Variants in HOXC4 observed in about 807,000 individuals in gnomAD.
HOXC4 encodes homeobox protein Hox-C4.
Under a neutral mutation model 25.5 loss-of-function variants are expected in HOXC4, and 15 were observed. The ratio of observed to expected loss-of-function variants is 0.59; its 90% confidence interval spans 0.39 to 0.91. HOXC4 has a LOEUF of 0.91. Among genes scored for constraint, HOXC4 ranks in the 40% least tolerant of loss-of-function variants. HOXC4 has a pLI of 0.00. For synonymous variants in HOXC4, 165 were observed against 148.0 expected, an observed-to-expected ratio of 1.11 and a Z score of -0.83; for missense variants, 342 against 352.4, an observed-to-expected ratio of 0.97 and a Z score of 0.24.
At chr12:54,039,376 A>C (rs1368481737) in intron 1 of HOXC4, among the ~76,000 whole-genome samples, 1 of 152,082 alleles carries the variant, frequency 6.6e-6, no homozygotes, top group African/African-American at 2.4e-5. Context: ...CAGAGGCCCA[A>C]ATAAATGGGG....
chr12:54,019,330 C>T (rs1479641263), intron 1 of HOXC4, among the ~76,000 whole-genome samples: 2 of 152,210 alleles, frequency 1.3e-5, no homozygotes, highest in South Asian at 2.1e-4. Flanking sequence ...TCTCCCGCCG[C>T]TCAGGCACGG....
At chr12:54,035,428 TAGA>T (rs1941164065) in intron 1 of HOXC4, 2 of 152,586 alleles carry the variant, frequency 1.3e-5, no homozygotes, top group Non-Finnish European at 2.9e-5. Flanking sequence ...CTGTGAGATG[TAGA>T]AGGAGACCCA....
chr12:54,045,318 T>A (rs1208890237), intron 1 of HOXC4, among the ~76,000 whole-genome samples: 1 of 152,252 alleles, frequency 6.6e-6, no homozygotes, highest in Non-Finnish European at 1.5e-5. Flanking sequence ...ATAGTGAACA[T>A]AACAGTCCTC....
At chr12:54,052,870 C>G (rs922676576), upstream of HOXC4, among the ~76,000 whole-genome samples, 2 of 152,188 alleles carry the variant, frequency 1.3e-5, no homozygotes, top group Non-Finnish European at 2.9e-5. Flanking sequence ...ACACAGGCCT[C>G]CCTCTTAGCT....
intron 1 of HOXC4, among the ~76,000 whole-genome samples, chr12:54,031,932 G>T (rs1941003030): frequency 6.6e-6 from 1 of 152,166 alleles, no homozygotes; most frequent in Non-Finnish European, 1.5e-5. Flanking sequence ...TATGGATTCA[G>T]GTCCCTGGAA....
chr12:54,016,898 C>A (rs1940179032), upstream of HOXC4: 1 of 152,232 alleles, frequency 6.6e-6, no homozygotes, highest in South Asian at 2.1e-4. Flanking sequence ...GCAGAACAGT[C>A]CTCCCTGTAA....
At chr12:54,027,982 T>C (rs1014262866) in intron 1 of HOXC4, among the ~76,000 whole-genome samples, 2 of 152,216 alleles carry the variant, frequency 1.3e-5, no homozygotes, top group African/African-American at 2.4e-5. Context: ...CAGGATTTCC[T>C]GCAGGATTTC....
intron 1 of HOXC4, among the ~76,000 whole-genome samples, chr12:54,024,383 G>A (rs1940594092): frequency 6.6e-6 from 1 of 151,272 alleles, no homozygotes; most frequent in Admixed American, 6.5e-5. Context: ...TGTAGTTGCA[G>A]CGCGGCAGTC....
At chr12:54,034,637 C>T in intron 1 of HOXC4, 1 of 660,918 alleles carries the variant, frequency 1.5e-6, no homozygotes. Context: ...AAGCGCTTTT[C>T]CTTGGCATTC....
At chr12:54,038,347 T>G (rs1044011193) in intron 1 of HOXC4, among the ~76,000 whole-genome samples, 4 of 152,184 alleles carry the variant, frequency 2.6e-5, no homozygotes, top group Non-Finnish European at 5.9e-5. Context: ...AACAAGGGTG[T>G]TTGGTGTCTG....
At chr12:54,026,550 T>A (rs1181551715) in intron 1 of HOXC4, among the ~76,000 whole-genome samples, 1 of 152,224 alleles carries the variant, frequency 6.6e-6, no homozygotes, top group African/African-American at 2.4e-5. Flanking sequence ...AGGAGGAACC[T>A]TTATAATTAT....
chr12:54,039,239 G>A (rs1357162015), intron 1 of HOXC4, among the ~76,000 whole-genome samples: 1 of 151,754 alleles, frequency 6.6e-6, no homozygotes, highest in Non-Finnish European at 1.5e-5. Flanking sequence ...AGCGGTGTCT[G>A]GGCATCTGCT....
At chr12:54,028,968 T>C (rs758073273) in intron 1 of HOXC4, 12 of 1,532,074 alleles carry the variant, frequency 7.8e-6, no homozygotes, top group Non-Finnish European at 1.1e-5. Flanking sequence ...CTGAACTGGC[T>C]TTATGACCGG....
At chr12:54,028,408 C>A in intron 1 of HOXC4, 16 of 1,215,106 alleles carry the variant, frequency 1.3e-5, no homozygotes, top group Non-Finnish European at 1.5e-5. Flanking sequence ...CTGACTTTGT[C>A]ATTTTGTCTG....
intron 1 of HOXC4, among the ~76,000 whole-genome samples, chr12:54,026,110 C>G (rs1045070191): frequency 2.0e-5 from 3 of 152,148 alleles, no homozygotes; most frequent in African/African-American, 7.2e-5. Context: ...CTAGCAATCT[C>G]TCTCTGAAAT....
rs1421490289 is a variant in HOXC4, at chr12:54,041,920, C to T, written c.-123-11240C>T. ...TCAGGTAATCCACACGCCTCATCCT[C>T]CCAAAGTGCTGAGATTACAGGTGTG... is the stretch of plus-strand genomic sequence containing the variant. On this transcript the variant is annotated intron_variant, in intron 1 of 3. Transcript: ENST00000303406. Among the ~76,000 whole-genome samples, 3 of 152,042 alleles carry T rather than the reference C, an allele frequency of 2.0e-5. No individual in the cohort carries two copies. The East Asian group carries it at 5.8e-4, about 29-fold the overall frequency.
chr12:54,036,306 GC>G (rs1941184686), intron 1 of HOXC4, among the ~76,000 whole-genome samples: 1 of 152,076 alleles, frequency 6.6e-6, no homozygotes, highest in Non-Finnish European at 1.5e-5. Flanking sequence ...CCAAGCCTAG[GC>G]CCCCCACACT....
At chr12:54,025,633 GC>G (rs1183266573) in intron 1 of HOXC4, among the ~76,000 whole-genome samples, 1 of 151,434 alleles carries the variant, frequency 6.6e-6, no homozygotes, top group Non-Finnish European at 1.5e-5. Context: ...CAGCATTTCT[GC>G]CTTTTTCACC....
intron 1 of HOXC4, among the ~76,000 whole-genome samples, chr12:54,026,607 T>C (rs528018600): frequency 1.3e-5 from 2 of 152,310 alleles, no homozygotes; most frequent in South Asian, 4.1e-4. Flanking sequence ...TTTCTGTCCT[T>C]TCTGGAGGAT....
Sources: gnomAD v4.1 joint callset for allele counts (sites outside exome capture counted in the v4.1 genomes callset) on GRCh38, gnomAD v4.1.1 for gene constraint, MANE v1.5 for transcripts, NCBI Gene and HGNC (gene_info 2026-07-23, HGNC 2026-07-21) for gene names.